The following C20orf173 variants were observed in gnomAD, a reference collection of about 807,000 sequenced individuals.
The protein encoded by C20orf173 is uncharacterized protein C20orf173.
Under a neutral mutation model 26.7 loss-of-function variants are expected in C20orf173, and 22 were observed. The ratio of observed to expected loss-of-function variants is 0.82; its 90% confidence interval spans 0.59 to 1.18. The LOEUF (loss-of-function observed/expected upper bound fraction) is 1.18, where lower values mean the gene tolerates loss of function less well. Among genes scored for constraint, C20orf173 ranks in the 50% most tolerant of loss-of-function variants. The probability of loss-of-function intolerance (pLI) is 0.00; values close to 1 mark genes in which losing one functional copy is unlikely to be tolerated. For synonymous variants in C20orf173, 85 were observed against 96.4 expected, an observed-to-expected ratio of 0.88 and a Z score of 0.69; for missense variants, 210 against 250.3, an observed-to-expected ratio of 0.84 and a Z score of 1.09.
At chr20:35,528,204 A>G in intron 5 of C20orf173, 29 bp downstream of exon 5, 1 of 1,546,434 alleles carries the variant, frequency 6.5e-7, no homozygotes, top group Non-Finnish European at 8.8e-7. Context: ...CCACAGCCAC[A>G]TCCTACCCCT....
At chr20:35,522,209 G>A (rs531506073), downstream of C20orf173, 4 of 152,674 alleles carry the variant, frequency 2.6e-5, no homozygotes, top group East Asian at 7.7e-4. Flanking sequence ...GCTGTCTTCG[G>A]TTCCACCAGG....
intron 3 of C20orf173, 38 bp downstream of exon 3, chr20:35,528,663 C>T: frequency 6.5e-7 from 1 of 1,531,664 alleles, no homozygotes; most frequent in Non-Finnish European, 8.8e-7. Context: ...GTGGGGCAGG[C>T]CTGGCCTTCC....
At chr20:35,528,986 G>A in intron 2 of C20orf173, 79 bp downstream of exon 2, 2 of 1,534,696 alleles carry the variant, frequency 1.3e-6, no homozygotes, top group Non-Finnish European at 1.8e-6. Context: ...CCAAGGGCAG[G>A]GATTTGGGCG....
downstream of C20orf173, among the ~76,000 whole-genome samples, chr20:35,524,270 C>T (rs1471979976): frequency 6.6e-6 from 1 of 152,020 alleles, no homozygotes; most frequent in Non-Finnish European, 1.5e-5. Flanking sequence ...ATCTGCCTGC[C>T]TCTGCCTCCC....
chr20:35,527,487 G>A (rs1002140284), intron 5 of C20orf173, among the ~76,000 whole-genome samples: 8 of 152,314 alleles, frequency 5.3e-5, no homozygotes, highest in South Asian at 2.1e-4. Context: ...CCCCCAGGAC[G>A]TAAGAGAAGG....
rs769727978 is a variant in C20orf173, at chr20:35,528,859, C to T, written c.330G>A (p.Glu110=). Residue 110 remains glutamate (E), a synonymous_variant, in exon 3 of 6, where the codon GAG becomes GAA. Transcript: ENST00000444723. The part of the protein sequence containing the change: ...LWWLGMNSGS[E]LGKLWRKLFK... ...ACAGCTTCCTCCACAATTTCCCAAG[C>T]TCGCTCCCTGAGTTCATGCCCTGGA... 7.7e-6 allele frequency: 12 copies of T among 1,551,332 alleles called. No individual in the cohort carries two copies. In the African/African-American group the frequency reaches 1.5e-4, roughly 19 times the overall value.
downstream of C20orf173, among the ~76,000 whole-genome samples, chr20:35,526,794 G>A (rs141108280): frequency 8.9e-4 from 135 of 152,134 alleles, 1 homozygote; most frequent in African/African-American, 3.0e-3. Context: ...TTCTTTTATC[G>A]AAGTGGGTAA....
chr20:35,529,099 T>A lies in C20orf173; in HGVS notation c.275A>T (p.Glu92Val), dbSNP rs777656138. 6.4e-6 allele frequency: 10 copies of A among 1,551,532 alleles called. No homozygotes were observed. The highest frequency in any genetic ancestry group is 8.7e-7 in the Non-Finnish European group (1 of 1,146,922). The change falls in exon 2 of 6, where the codon GAG (glutamate) becomes GTG (valine). Residue 92 changes from glutamate to valine, a missense_variant. Transcript: ENST00000444723. Reference sequence around the variant, plus strand: ...GAGCACAGTGTCAGAGGTCATAGACTCTCTTGTCCTCATCAGGTACCCCAT... The same window carrying A: ...GAGCACAGTGTCAGAGGTCATAGACACTCTTGTCCTCATCAGGTACCCCAT... ...KTMGYLMRTR[E>V]SMTSDTVLWW...
chr20:35,526,651 G>A (rs224401), downstream of C20orf173, among the ~76,000 whole-genome samples: 87,777 of 127,216 alleles, frequency 0.69, 31,199 homozygotes, highest in Non-Finnish European at 0.79. Flanking sequence ...AAAAAAAAAA[G>A]CGAATTGGAA....
At chr20:35,528,136 TG>T in intron 5 of C20orf173, 96 bp downstream of exon 5, 1 of 1,016,082 alleles carries the variant, frequency 9.8e-7, no homozygotes, top group Non-Finnish European at 1.5e-6. Context: ...CCAGTTGTCC[TG>T]GTTGCACCTG....
At position 35,528,251 on chromosome 20, in the gene C20orf173, C is replaced by T. The variant is rs1019635145; in HGVS notation, c.*7G>A. The T allele has an allele frequency of 1.3e-6, 2 of 1,551,980 alleles. No individual in the cohort carries two copies. Among genetic ancestry groups the T allele is most frequent in the Non-Finnish European group, 1.7e-6 (2 of 1,147,104 alleles). The stretch of plus-strand genomic sequence containing the variant: ...CCCTCACCGTGTCTTTGCTATCTTC[C>T]ACTCCACTAGGGAACCAGACCATCT... On this transcript the variant is annotated 3_prime_UTR_variant, in exon 5 of 6. Transcript: ENST00000444723.
downstream of C20orf173, among the ~76,000 whole-genome samples, chr20:35,523,840 T>C (rs2064488578): frequency 6.6e-6 from 1 of 152,136 alleles, no homozygotes; most frequent in Non-Finnish European, 1.5e-5. Context: ...ACCTTGGCGA[T>C]GGCTCACACC....
Position 35,529,141 on chromosome 20 carries a change from G to T in C20orf173, c.233C>A (p.Ala78Glu), listed in dbSNP as rs772416268. Residue 78 changes from alanine to glutamate, a missense_variant, in exon 2 of 6, where the codon GCG becomes GAG. Coordinates refer to ENST00000444723, the MANE Select transcript of C20orf173 (RefSeq NM_001145350.2). ...GTACCCCATAGTCTTCCTGGAGCAC[G>T]CATCAAGCCAGTTCCATTCGTCGGC... Reference protein sequence around the residue: ...HTADEWNWLDACSRKTMGYLM... With the variant: ...HTADEWNWLDECSRKTMGYLM... 1 of 1,551,568 alleles carries T rather than the reference G, an allele frequency of 6.4e-7. No homozygotes were observed. Among genetic ancestry groups the T allele is most frequent in the Non-Finnish European group, 8.7e-7 (1 of 1,146,998 alleles).
At chr20:35,527,577 G>A (rs1185401643) in intron 5 of C20orf173, among the ~76,000 whole-genome samples, 1 of 152,122 alleles carries the variant, frequency 6.6e-6, no homozygotes, top group East Asian at 1.9e-4. Context: ...GCCCATTATG[G>A]GAGCCTGGGA....
At chr20:35,523,555 AGAGAGGACACTTTTTGTGTTCTGTG>A (rs1306939558), downstream of C20orf173, among the ~76,000 whole-genome samples, 1 of 152,208 alleles carries the variant, frequency 6.6e-6, no homozygotes, top group Non-Finnish European at 1.5e-5. Context: ...AAAGAAAGGG[AGAGAGGACACTTTTTGTGTTCTGTG>A]GCCTCCCTGA....
downstream of C20orf173, chr20:35,520,801 A>C (rs779819777): frequency 6.6e-6 from 1 of 152,198 alleles, no homozygotes; most frequent in Non-Finnish European, 1.5e-5. Flanking sequence ...TGGTGATAAG[A>C]CAGAATCAGT....
In C20orf173 at chr20:35,529,227, G is replaced by C; in HGVS notation, c.147C>G (p.Phe49Leu). 6.4e-7 allele frequency: 1 copy of C among 1,551,684 alleles called. No individual in the cohort carries two copies. The highest frequency in any genetic ancestry group is 2.4e-5 in the East Asian group (1 of 40,918). ...LVPQHCDCPW[F>L]SSGKCGCPSE... ...AAGGGCAGCCACACTTCCCGGAACT[G>C]AACCAAGGGCAGTCGCAATGCTGTG... Residue 49 changes from phenylalanine (F) to leucine (L), a missense_variant, in exon 2 of 6, where the codon TTC (phenylalanine) becomes TTG (leucine). Coordinates refer to ENST00000444723, the MANE Select transcript of C20orf173 (RefSeq NM_001145350.2).
downstream of C20orf173, among the ~76,000 whole-genome samples, chr20:35,526,088 G>A (rs1358193047): frequency 1.3e-5 from 2 of 152,170 alleles, no homozygotes; most frequent in African/African-American, 2.4e-5. Flanking sequence ...ACAGGATGAT[G>A]CAAAAGCTAG....
downstream of C20orf173, chr20:35,523,220 A>T (rs1468827172): frequency 6.6e-6 from 1 of 152,370 alleles, no homozygotes; most frequent in Non-Finnish European, 1.5e-5. Flanking sequence ...CATATTACGG[A>T]GGTCCTTCTG....
Sources: gnomAD v4.1 joint callset for allele counts (sites outside exome capture counted in the v4.1 genomes callset) on GRCh38, gnomAD v4.1.1 for gene constraint, MANE v1.5 for transcripts, NCBI Gene and HGNC (gene_info 2026-07-23, HGNC 2026-07-21) for gene names.